RNF6: variants seen among roughly 807,000 people sequenced by gnomAD.
RNF6 encodes E3 ubiquitin-protein ligase RNF6.
RNF6 carries 21 observed loss-of-function variants against 50.1 expected under a neutral mutation model. The ratio of observed to expected loss-of-function variants is 0.42; its 90% CI spans 0.30 to 0.60. The LOEUF (loss-of-function observed/expected upper bound fraction) is 0.60. RNF6 is among the 20% of genes least tolerant of loss of function. The probability of loss-of-function intolerance (pLI) is 0.20; values close to 1 mark genes in which losing one functional copy is unlikely to be tolerated. For missense variants in RNF6, 698 were observed against 838.2 expected, an observed-to-expected ratio of 0.83 and a Z score of 2.07; for synonymous variants, 255 against 291.8, an observed-to-expected ratio of 0.87 and a Z score of 1.29.
intron 3 of RNF6, 183 bp downstream of exon 3, chr13:26,219,274 T>C: frequency 1.9e-6 from 1 of 529,708 alleles, no homozygotes; most frequent in Non-Finnish European, 3.2e-6. Context: ...ATTTTCACCT[T>C]ATAAAATACA....
intron 5 of RNF6, among the ~76,000 whole-genome samples, chr13:26,196,316 T>G (rs1263202126): frequency 6.6e-6 from 1 of 152,084 alleles, no homozygotes; most frequent in Non-Finnish European, 1.5e-5. Context: ...GAATGCTATA[T>G]CCAACAACAA....
downstream of RNF6, among the ~76,000 whole-genome samples, chr13:26,210,809 T>C (rs1160089367): frequency 6.6e-6 from 1 of 152,116 alleles, no homozygotes; most frequent in Non-Finnish European, 1.5e-5. Context: ...TCATGTTAAA[T>C]ATTGAAAGGA....
At chr13:26,149,501 A>G (rs942668767) in intron 5 of RNF6, among the ~76,000 whole-genome samples, 11 of 151,960 alleles carry the variant, frequency 7.2e-5, no homozygotes, top group South Asian at 2.1e-4. Context: ...GCAGGAGAAT[A>G]GCGTGAACCC....
rs1243150312 is a variant in RNF6 at position 26,220,337 on chromosome 13, T to A, written c.-18-670A>T. Among the ~76,000 whole-genome samples the A allele has an allele frequency of 4.6e-5, 7 of 152,158 alleles. No individual in the cohort carries two copies. The East Asian group carries it at 1.2e-3, about 25-fold the overall frequency. Reference sequence around the variant, plus strand: ...TCAGAGCACTTTGTATCACCCCATATCAAGCCTCATCCTTAAGCCTGGAAT... The same window carrying A: ...TCAGAGCACTTTGTATCACCCCATAACAAGCCTCATCCTTAAGCCTGGAAT... On this transcript the variant is annotated intron_variant, in intron 2 of 4. Transcript: ENST00000381588.
chr13:26,164,579 A>T (rs181718366), intron 5 of RNF6, among the ~76,000 whole-genome samples: 15 of 152,258 alleles, frequency 9.9e-5, no homozygotes, highest in Admixed American at 8.5e-4. Flanking sequence ...TCATACATTC[A>T]ATATCATCTT....
chr13:26,186,940 G>A (rs1593175530), intron 5 of RNF6, among the ~76,000 whole-genome samples: 1 of 152,250 alleles, frequency 6.6e-6, no homozygotes, highest in Non-Finnish European at 1.5e-5. Flanking sequence ...ACCACGCCCG[G>A]CTAATTTTGT....
At chr13:26,148,156 C>A (rs1396245134) in intron 5 of RNF6, among the ~76,000 whole-genome samples, 1 of 152,084 alleles carries the variant, frequency 6.6e-6, no homozygotes, top group Non-Finnish European at 1.5e-5. Flanking sequence ...AGCAAGAGAG[C>A]ACGGAAGCAC....
chr13:26,217,455 T>A (rs201787647), intron 4 of RNF6, among the ~76,000 whole-genome samples: 1 of 152,208 alleles, frequency 6.6e-6, no homozygotes, highest in East Asian at 1.9e-4. Flanking sequence ...AGCCTGGCAG[T>A]TAGGTGTGAC....
At chr13:26,181,490 G>T (rs752458636) in intron 5 of RNF6, among the ~76,000 whole-genome samples, 2 of 152,208 alleles carry the variant, frequency 1.3e-5, no homozygotes, top group Non-Finnish European at 2.9e-5. Flanking sequence ...GGCCTGCACA[G>T]CCATAACCAC....
At chr13:26,210,492 GTT>G (rs1869279750), downstream of RNF6, among the ~76,000 whole-genome samples, 1 of 152,122 alleles carries the variant, frequency 6.6e-6, no homozygotes, top group Non-Finnish European at 1.5e-5. Flanking sequence ...TACAGATTCT[GTT>G]ATATCTTTTA....
At chr13:26,185,831 T>C (rs116308434) in intron 5 of RNF6, among the ~76,000 whole-genome samples, 1 of 152,208 alleles carries the variant, frequency 6.6e-6, no homozygotes, top group East Asian at 1.9e-4. Flanking sequence ...TACGCCTAAC[T>C]ACGAACCTTG....
At chr13:26,200,425 T>C (rs1472276767) in intron 5 of RNF6, among the ~76,000 whole-genome samples, 2 of 52,844 alleles carry the variant, frequency 3.8e-5, no homozygotes, top group African/African-American at 1.4e-4. Context: ...TTTTTTTTTT[T>C]TGAGGCGGAG....
chr13:26,207,129 C>T (rs916595299), intron 5 of RNF6, among the ~76,000 whole-genome samples: 4 of 151,368 alleles, frequency 2.6e-5, no homozygotes, highest in Admixed American at 6.6e-5. Flanking sequence ...AAGATGAGGA[C>T]TTGCAGGAGT....
chr13:26,214,782 A>G lies in RNF6; in HGVS notation c.1100T>C (p.Phe367Ser). The change falls in exon 5 of 5, where the codon TTC (phenylalanine) becomes TCC (serine). Residue 367 changes from phenylalanine to serine, a missense_variant. Transcript: ENST00000381588. ...RERRGTAYTP[F>S]SNSRLVSRIT... The stretch of plus-strand genomic sequence containing the variant: ...TCTTGACACAAGCCTTGAATTAGAG[A>G]ATGGGGTATATGCAGTACCTCTGCG... 6.2e-7 allele frequency: 1 copy of G among 1,614,104 alleles called. No individual in the cohort carries two copies. Among genetic ancestry groups the G allele is most frequent in the East Asian group, 2.2e-5 (1 of 44,880 alleles).
intron 5 of RNF6, among the ~76,000 whole-genome samples, chr13:26,142,100 A>C (rs9581555): frequency 0.17 from 26,584 of 152,138 alleles, 2,403 homozygotes; most frequent in Admixed American, 0.22. Flanking sequence ...AAAGAAGACA[A>C]AGAAGCAGTC....
chr13:26,140,343 T>C (rs1311081691), intron 5 of RNF6, among the ~76,000 whole-genome samples: 3 of 152,146 alleles, frequency 2.0e-5, no homozygotes, highest in African/African-American at 7.2e-5. Flanking sequence ...AGCGCAGCCA[T>C]GTGGTGAAAG....
intron 5 of RNF6, among the ~76,000 whole-genome samples, chr13:26,191,682 TGA>T (rs767366888): frequency 1.4e-4 from 21 of 152,238 alleles, no homozygotes; most frequent in Admixed American, 2.6e-4. Flanking sequence ...ACCATGACTG[TGA>T]GTTTCCTGAG....
At chr13:26,150,541 T>G (rs974383287) in intron 5 of RNF6, among the ~76,000 whole-genome samples, 2 of 152,166 alleles carry the variant, frequency 1.3e-5, no homozygotes, top group Admixed American at 6.5e-5. Flanking sequence ...CGCTTAAGAC[T>G]TTGACCTACA....
At chr13:26,198,764 T>A (rs1243362347) in intron 5 of RNF6, among the ~76,000 whole-genome samples, 1 of 151,982 alleles carries the variant, frequency 6.6e-6, no homozygotes, top group African/African-American at 2.4e-5. Flanking sequence ...TAAAAGCTAT[T>A]AAATAAGTAA....
Sources: gnomAD v4.1 joint callset for allele counts (sites outside exome capture counted in the v4.1 genomes callset) on GRCh38, gnomAD v4.1.1 for gene constraint, MANE v1.5 for transcripts, NCBI Gene and HGNC (gene_info 2026-07-23, HGNC 2026-07-21) for gene names.